Variants in GTF2F2 observed in about 807,000 individuals in gnomAD.
The protein encoded by GTF2F2 is general transcription factor IIF subunit 2, also known as ATP-dependent helicase GTF2F2.
In GTF2F2, 23 loss-of-function variants were observed where a neutral mutation model predicts 42.2. That is an observed-to-expected ratio of 0.55 (90% confidence interval 0.39 to 0.77). GTF2F2 has a LOEUF of 0.77. Ranked by LOEUF, GTF2F2 falls within the 30% of genes least tolerant of loss-of-function variation. The pLI is 0.00. For missense variants in GTF2F2, 261 were observed against 287.2 expected (o/e 0.91, Z 0.66); for synonymous variants, 105 against 100.8 (o/e 1.04, Z -0.25).
rs1875866281 is a variant in GTF2F2 at position 45,251,273 on chromosome 13, T to C, written c.387-1598T>C. On this transcript the variant is annotated intron_variant, in intron 5 of 7. Coordinates refer to ENST00000340473, the MANE Select transcript of GTF2F2 (RefSeq NM_004128.3). ...AGGAATGTTATACAGACACCTTTTA[T>C]ACTTAATTCTGCTTTTGAAGGAATT... Among the ~76,000 whole-genome samples, 3 of 152,198 alleles carry C rather than the reference T, an allele frequency of 2.0e-5. No homozygotes were observed. The South Asian group carries it at 6.2e-4, about 31-fold the overall frequency.
At chr13:45,187,192 C>T (rs1055943869) in intron 4 of GTF2F2, among the ~76,000 whole-genome samples, 1 of 151,958 alleles carries the variant, frequency 6.6e-6, no homozygotes, top group Non-Finnish European at 1.5e-5. Flanking sequence ...GAGTTTGAGA[C>T]CAGCCTGGGC....
chr13:45,248,619 GC>G (rs552224498), intron 5 of GTF2F2, among the ~76,000 whole-genome samples: 74 of 152,014 alleles, frequency 4.9e-4, no homozygotes, highest in African/African-American at 1.8e-3. Context: ...GATTACAGGC[GC>G]CTGCCACCAT....
intron 4 of GTF2F2, among the ~76,000 whole-genome samples, chr13:45,204,699 T>C (rs1873345942): frequency 6.6e-6 from 1 of 152,084 alleles, no homozygotes; most frequent in Non-Finnish European, 1.5e-5. Flanking sequence ...CAGGAGTAAA[T>C]TGGCCTTTTA....
At chr13:45,171,217 A>G (rs186498676) in intron 4 of GTF2F2, among the ~76,000 whole-genome samples, 299 of 151,768 alleles carry the variant, frequency 2.0e-3, no homozygotes, top group South Asian at 4.0e-3. Context: ...AGCTGGGACT[A>G]CAGGTGCATG....
At chr13:45,122,031 G>A (rs1868666006) in intron 1 of GTF2F2, among the ~76,000 whole-genome samples, 1 of 152,122 alleles carries the variant, frequency 6.6e-6, no homozygotes, top group South Asian at 2.1e-4. Context: ...TGGATGGGTG[G>A]ACACAGTGTA....
chr13:45,183,618 G>A (rs1166939716), intron 4 of GTF2F2, among the ~76,000 whole-genome samples: 5 of 152,106 alleles, frequency 3.3e-5, no homozygotes, highest in Non-Finnish European at 7.3e-5. Context: ...GGGTGTAGTT[G>A]CTACCCTTAA....
chr13:45,275,276 A>G (rs531422634), intron 7 of GTF2F2, among the ~76,000 whole-genome samples: 12 of 152,214 alleles, frequency 7.9e-5, no homozygotes, highest in African/African-American at 1.2e-4. Context: ...TCCAAGTATG[A>G]TCAAGTTCTG....
At chr13:45,274,323 CTTT>C (rs367793010) in intron 7 of GTF2F2, among the ~76,000 whole-genome samples, 1 of 102,430 alleles carries the variant, frequency 9.8e-6, no homozygotes, top group Non-Finnish European at 1.9e-5. Flanking sequence ...ACAAATTATA[CTTT>C]TTTTTTTTTT....
intron 5 of GTF2F2, among the ~76,000 whole-genome samples, chr13:45,224,957 A>G (rs1874268270): frequency 6.6e-6 from 1 of 152,210 alleles, no homozygotes; most frequent in Admixed American, 6.5e-5. Context: ...AGTGAATAAG[A>G]AAGACAGGAT....
intron 5 of GTF2F2, among the ~76,000 whole-genome samples, chr13:45,232,215 T>C (rs1874719365): frequency 6.6e-6 from 1 of 152,260 alleles, no homozygotes. Flanking sequence ...TTTTAGGAGT[T>C]AAAGAAGTTG....
chr13:45,208,306 G>T (rs1873499486), intron 5 of GTF2F2, among the ~76,000 whole-genome samples: 1 of 152,100 alleles, frequency 6.6e-6, no homozygotes, highest in Admixed American at 6.5e-5. Flanking sequence ...ATTTAAAAAT[G>T]CTGATTGTAA....
chr13:45,232,726 C>T (rs1259230677), intron 5 of GTF2F2, among the ~76,000 whole-genome samples: 2 of 152,218 alleles, frequency 1.3e-5, no homozygotes, highest in Admixed American at 6.5e-5. Flanking sequence ...TCTTGAACTG[C>T]ATTACCTCAT....
In GTF2F2 at chr13:45,165,351, A is replaced by G. The variant is rs912922529; in HGVS notation, c.304+13520A>G. Reference sequence around the variant, plus strand: ...TATATATTTTTTTTTTCTTTGAGACAAAGTCTTGCTCTATCGCCCAGGCTA... The same window carrying G: ...TATATATTTTTTTTTTCTTTGAGACGAAGTCTTGCTCTATCGCCCAGGCTA... On this transcript the variant is annotated intron_variant, in intron 4 of 7. Coordinates refer to ENST00000340473, the MANE Select transcript of GTF2F2 (RefSeq NM_004128.3). Among the ~76,000 whole-genome samples the G allele has an allele frequency of 7.5e-5, 11 of 147,648 alleles. No individual in the cohort carries two copies. In the South Asian group the frequency reaches 2.3e-3, roughly 31 times the overall value.
At chr13:45,274,451 C>T (rs551055011) in intron 7 of GTF2F2, among the ~76,000 whole-genome samples, 46 of 151,294 alleles carry the variant, frequency 3.0e-4, no homozygotes, top group African/African-American at 1.1e-3. Context: ...CTCAGCCTCC[C>T]GAGTAGCTGG....
chr13:45,140,662 A>G (rs1180549387), intron 2 of GTF2F2, among the ~76,000 whole-genome samples: 13 of 152,208 alleles, frequency 8.5e-5, no homozygotes, highest in Non-Finnish European at 4.4e-5. Context: ...AAAGAGAAAA[A>G]TAATATTGAA....
At chr13:45,194,474 A>C (rs369513732) in intron 4 of GTF2F2, 1 of 1,614,048 alleles carries the variant, frequency 6.2e-7, no homozygotes. Flanking sequence ...ATCAGTGTGG[A>C]TTTGCAGTTC....
intron 6 of GTF2F2, among the ~76,000 whole-genome samples, chr13:45,253,767 A>G (rs1158586995): frequency 2.0e-5 from 3 of 152,118 alleles, no homozygotes; most frequent in East Asian, 1.9e-4. Context: ...TAACAGATCT[A>G]TTGACACATG....
chr13:45,253,741 T>C (rs1875972642), intron 6 of GTF2F2, among the ~76,000 whole-genome samples: 2 of 152,148 alleles, frequency 1.3e-5, no homozygotes, highest in South Asian at 4.1e-4. Context: ...ATTAGTCACT[T>C]AGTAGCCCTC....
chr13:45,249,178 G>C lies in GTF2F2; in HGVS notation c.387-3693G>C, dbSNP rs912178256. On this transcript the variant is annotated intron_variant, in intron 5 of 7. Transcript: ENST00000340473. ...GAGATAGTGTTAAATGAATTATTTA[G>C]TGTTAAGGACCCTGCTAAATTATTT... Among the ~76,000 whole-genome samples, 24 of 152,284 alleles carry C rather than the reference G, an allele frequency of 1.6e-4. No individual in the cohort carries two copies. In the South Asian group the frequency reaches 2.5e-3, roughly 16 times the overall value.
Sources: gnomAD v4.1 joint callset for allele counts (sites outside exome capture counted in the v4.1 genomes callset) on GRCh38, gnomAD v4.1.1 for gene constraint, MANE v1.5 for transcripts, NCBI Gene and HGNC (gene_info 2026-07-23, HGNC 2026-07-21) for gene names.